Variants in CCDC102B observed in about 807,000 individuals in gnomAD.
CCDC102B encodes the protein coiled-coil domain-containing protein 102B.
A neutral mutation model predicts 57.4 loss-of-function variants in CCDC102B; 75 were observed. That is an observed-to-expected ratio of 1.31 (90% CI 1.08 to 1.58). The LOEUF is 1.58. CCDC102B is among the 40% of genes most tolerant of loss of function. CCDC102B has a pLI of 0.00. For missense variants in CCDC102B, 636 were observed against 582.6 expected (o/e 1.09, Z -0.94); for synonymous variants, 206 against 201.9 (o/e 1.02, Z -0.17).
chr18:68,833,574 A>G (rs2037237816), intron 1 of CCDC102B, among the ~76,000 whole-genome samples: 1 of 152,136 alleles, frequency 6.6e-6, no homozygotes, highest in South Asian at 2.1e-4. Context: ...TTTTAATAGA[A>G]GAATTCAATG....
At chr18:68,795,791 C>T (rs943724888), upstream of CCDC102B, among the ~76,000 whole-genome samples, 22 of 152,116 alleles carry the variant, frequency 1.4e-4, no homozygotes, top group African/African-American at 5.3e-4. Flanking sequence ...AATATATCTT[C>T]TTAGAGGACA....
intron 2 of CCDC102B, among the ~76,000 whole-genome samples, chr18:68,778,836 G>C (rs1026258011): frequency 2.0e-5 from 3 of 146,528 alleles, no homozygotes; most frequent in Non-Finnish European, 4.5e-5. Context: ...TCTGGTCAAA[G>C]TGATTTCTAG....
intron 2 of CCDC102B, among the ~76,000 whole-genome samples, chr18:68,737,828 T>C (rs946627447): frequency 6.6e-6 from 1 of 152,028 alleles, no homozygotes; most frequent in Admixed American, 6.6e-5. Context: ...GTAATAACTT[T>C]AAGTTTAGTG....
intron 6 of CCDC102B, among the ~76,000 whole-genome samples, chr18:68,983,386 T>C (rs1027874914): frequency 2.6e-5 from 4 of 152,014 alleles, no homozygotes; most frequent in Non-Finnish European, 5.9e-5. Flanking sequence ...GAGGTCTTAA[T>C]GGACCAAATA....
chr18:68,917,962 C>A (rs974202644), intron 6 of CCDC102B, among the ~76,000 whole-genome samples: 4 of 151,898 alleles, frequency 2.6e-5, no homozygotes, highest in Non-Finnish European at 5.9e-5. Context: ...GCCTTATGTA[C>A]ACCAAAATAA....
chr18:68,931,153 T>C (rs2041660133), intron 6 of CCDC102B, among the ~76,000 whole-genome samples: 1 of 151,776 alleles, frequency 6.6e-6, no homozygotes, highest in Non-Finnish European at 1.5e-5. Flanking sequence ...AAGGCAAATA[T>C]GATCTGTAAG....
At chr18:68,882,991 G>A (rs1353258415) in intron 5 of CCDC102B, among the ~76,000 whole-genome samples, 1 of 152,206 alleles carries the variant, frequency 6.6e-6, no homozygotes, top group Non-Finnish European at 1.5e-5. Flanking sequence ...ACGGTGGAAA[G>A]AGGGAGAGGA....
intron 5 of CCDC102B, among the ~76,000 whole-genome samples, chr18:68,896,506 C>A (rs1312748632): frequency 1.3e-5 from 2 of 151,820 alleles, no homozygotes. Context: ...GCTTTACTAC[C>A]TATATGGTCT....
intron 6 of CCDC102B, among the ~76,000 whole-genome samples, chr18:68,938,731 G>A (rs984006962): frequency 6.7e-6 from 1 of 150,296 alleles, no homozygotes; most frequent in African/African-American, 2.4e-5. Flanking sequence ...AATTTATTTT[G>A]GATACATTCC....
At chr18:68,776,190 C>T (rs1292051095) in intron 2 of CCDC102B, among the ~76,000 whole-genome samples, 1 of 152,104 alleles carries the variant, frequency 6.6e-6, no homozygotes. Context: ...TTCAAGTTCA[C>T]TAATTGTCAC....
intron 6 of CCDC102B, among the ~76,000 whole-genome samples, chr18:68,958,985 CTGCAGAAT>C (rs1378916841): frequency 1.3e-5 from 2 of 152,202 alleles, no homozygotes; most frequent in African/African-American, 2.4e-5. Flanking sequence ...ACATCTGTCT[CTGCAGAAT>C]TGGTCACTGG....
chr18:69,027,523 T>A (rs564409217), intron 7 of CCDC102B, among the ~76,000 whole-genome samples: 2 of 152,336 alleles, frequency 1.3e-5, no homozygotes, highest in Non-Finnish European at 2.9e-5. Context: ...TGGATTTATA[T>A]GCTATGTCTA....
intron 1 of CCDC102B, among the ~76,000 whole-genome samples, chr18:68,824,699 T>C (rs1434422684): frequency 6.6e-6 from 1 of 152,240 alleles, no homozygotes. Flanking sequence ...GTGCACAAGT[T>C]GTTATTTGAA....
rs1489789318 is a variant in CCDC102B, at chr18:68,837,487, A to G, written c.606+118A>G. The G allele has an allele frequency of 3.0e-5, 27 of 905,834 alleles. No individual in the cohort carries two copies. The East Asian group carries it at 6.6e-4, about 22-fold the overall frequency. 56.1% of individuals were successfully genotyped at this position (905,834 alleles called of 1,614,324 possible). On this transcript the variant is annotated intron_variant, in intron 2 of 7. Transcript: ENST00000360242. ...ACTAGCCTGCCAGGGCTACCATAAC[A>G]AAGTACCATAATCACAGTGGTTTAA...
intron 2 of CCDC102B, among the ~76,000 whole-genome samples, chr18:68,775,844 G>A (rs974187899): frequency 3.3e-5 from 5 of 151,902 alleles, no homozygotes; most frequent in Non-Finnish European, 7.4e-5. Context: ...AGTAGAGATG[G>A]GGTTTCACCA....
At chr18:68,722,080 G>T (rs1199498787) in intron 2 of CCDC102B, among the ~76,000 whole-genome samples, 1 of 152,208 alleles carries the variant, frequency 6.6e-6, no homozygotes, top group Non-Finnish European at 1.5e-5. Context: ...TACAAGCCTT[G>T]CCCTGATGAA....
intron 2 of CCDC102B, among the ~76,000 whole-genome samples, chr18:68,764,893 A>G (rs547261660): frequency 1.3e-4 from 20 of 151,660 alleles, no homozygotes; most frequent in African/African-American, 4.8e-4. Context: ...ATGATAAAAA[A>G]AAAAATAGCT....
intron 7 of CCDC102B, 80 bp downstream of exon 7, chr18:69,011,184 T>A: frequency 8.0e-7 from 1 of 1,252,032 alleles, no homozygotes. Flanking sequence ...TCTCCCTTAT[T>A]AACATATGGC....
intron 6 of CCDC102B, among the ~76,000 whole-genome samples, chr18:68,943,613 A>G (rs868717222): frequency 1.7e-4 from 26 of 152,290 alleles, no homozygotes; most frequent in African/African-American, 6.3e-4. Context: ...TCATTCAACA[A>G]TATAGAGTAC....
Sources: gnomAD v4.1 joint callset for allele counts (sites outside exome capture counted in the v4.1 genomes callset) on GRCh38, gnomAD v4.1.1 for gene constraint, MANE v1.5 for transcripts, NCBI Gene and HGNC (gene_info 2026-07-23, HGNC 2026-07-21) for gene names.